The following VPS13B variants were observed in gnomAD, a reference collection of about 807,000 sequenced individuals.
The protein encoded by VPS13B is intermembrane lipid transfer protein VPS13B.
VPS13B carries 285 observed loss-of-function variants against 426.4 expected under a neutral mutation model. The ratio of observed to expected loss-of-function variants is 0.67; its 90% confidence interval spans 0.61 to 0.74. The LOEUF is 0.74. Among genes scored for constraint, VPS13B ranks in the 30% least tolerant of loss-of-function variants. The probability of loss-of-function intolerance (pLI) is 0.00; values close to 1 mark genes in which losing one functional copy is unlikely to be tolerated. For missense variants in VPS13B, 4,537 were observed against 4,782.6 expected (o/e 0.95, Z 1.51); for synonymous variants, 1,676 against 1,676.4 (o/e 1.00, Z 0.01).
intron 22 of VPS13B, among the ~76,000 whole-genome samples, chr8:99,438,617 G>A (rs1817524100): frequency 6.6e-6 from 1 of 152,024 alleles, no homozygotes; most frequent in African/African-American, 2.4e-5. Context: ...ACTTACTCTG[G>A]AAAGGATGAC....
intron 15 of VPS13B, among the ~76,000 whole-genome samples, chr8:99,163,780 C>G: frequency 7.2e-6 from 1 of 139,710 alleles, no homozygotes; most frequent in East Asian, 2.4e-4. Context: ...TCGCGCCTCT[C>G]CCTCCACACC....
chr8:99,621,230 A>G (rs1442620364), intron 33 of VPS13B, among the ~76,000 whole-genome samples: 1 of 152,154 alleles, frequency 6.6e-6, no homozygotes, highest in Non-Finnish European at 1.5e-5. Context: ...TGTCAGCAAA[A>G]TCCCCCAGTC....
chr8:99,843,369 C>T (rs987053821), intron 54 of VPS13B, among the ~76,000 whole-genome samples: 5 of 152,120 alleles, frequency 3.3e-5, no homozygotes, highest in African/African-American at 9.7e-5. Flanking sequence ...AAAAAAAAAT[C>T]CCCTTGGCCA....
chr8:99,696,271 C>A, intron 35 of VPS13B: 1 of 194,162 alleles, frequency 5.2e-6, no homozygotes. Context: ...TTGAGGAAGG[C>A]GGCCAAGTGT....
chr8:99,348,347 C>G (rs2133204297), intron 19 of VPS13B: 1 of 152,170 alleles, frequency 6.6e-6, no homozygotes, highest in South Asian at 2.1e-4. Context: ...ATTTTATGGC[C>G]TATGTTTTTA....
chr8:99,511,456 C>A lies in VPS13B; in HGVS notation c.4577C>A (p.Thr1526Lys). Residue 1526 changes from threonine to lysine, a missense_variant, in exon 29 of 62, where the codon ACA (threonine) becomes AAA (lysine). Physicochemically the swap from Thr to Lys is moderately conservative, Grantham distance 78 (BLOSUM62 -1). Coordinates refer to ENST00000357162, the MANE Select transcript of VPS13B (RefSeq NM_152564.5). ...SRNLPLIYVNTSVIRIFIPKT... is the reference protein window; with the variant it reads ...SRNLPLIYVNKSVIRIFIPKT... ...AATTTACCTTTGATTTATGTCAACACAAGTGTAATCAGAATTTTTATTCCA... is the reference window on the plus strand; with the variant it reads ...AATTTACCTTTGATTTATGTCAACAAAAGTGTAATCAGAATTTTTATTCCA... 6.2e-7 allele frequency: 1 copy of A among 1,613,164 alleles called. No individual in the cohort carries two copies. Among genetic ancestry groups the A allele is most frequent in the Non-Finnish European group, 8.5e-7 (1 of 1,179,880 alleles).
chr8:99,214,399 A>G (rs1815273851), intron 17 of VPS13B, among the ~76,000 whole-genome samples: 2 of 152,206 alleles, frequency 1.3e-5, no homozygotes, highest in Admixed American at 1.3e-4. Context: ...TATTTCAAAC[A>G]TTGTACTTTT....
chr8:99,697,285 G>A (rs184007869), intron 35 of VPS13B: 160 of 576,030 alleles, frequency 2.8e-4, no homozygotes, highest in African/African-American at 2.4e-3. Context: ...CTGCAGAAGC[G>A]CTCGGAGTTG....
chr8:99,656,928 A>ATT (rs1336715207), intron 34 of VPS13B, among the ~76,000 whole-genome samples: 2 of 152,042 alleles, frequency 1.3e-5, no homozygotes, highest in Non-Finnish European at 2.9e-5. Context: ...TGCAACCTGT[A>ATT]TTTTTCTGGA....
In VPS13B at chr8:99,665,590, G is replaced by T. The variant is rs1216631053; in HGVS notation, c.6046+4099G>T. On this transcript the variant is annotated intron_variant, in intron 35 of 61. Transcript: ENST00000357162. ...TTAAATAGGGAATCCTTTCCCCATT[G>T]CTTGTTTTTGTCAGGTTTTTCAAAG... Among the ~76,000 whole-genome samples the T allele has an allele frequency of 1.4e-4, 21 of 152,228 alleles. No individual in the cohort carries two copies. The South Asian group carries it at 3.5e-3, about 26-fold the overall frequency.
intron 33 of VPS13B, among the ~76,000 whole-genome samples, chr8:99,640,245 G>C (rs1405179141): frequency 1.3e-5 from 2 of 151,658 alleles, no homozygotes; most frequent in Non-Finnish European, 2.9e-5. Context: ...CGTACCATTT[G>C]CCTAATAATT....
At chr8:99,324,523 C>T (rs1279483405) in intron 19 of VPS13B, among the ~76,000 whole-genome samples, 1 of 152,102 alleles carries the variant, frequency 6.6e-6, no homozygotes, top group Non-Finnish European at 1.5e-5. Context: ...GTTCTGGCTG[C>T]TTGCTTCTAG....
At chr8:99,069,536 G>GTA (rs925555970) in intron 3 of VPS13B, among the ~76,000 whole-genome samples, 3 of 152,168 alleles carry the variant, frequency 2.0e-5, no homozygotes, top group Non-Finnish European at 2.9e-5. Flanking sequence ...TAGGGTGTGT[G>GTA]TATATATATG....
intron 19 of VPS13B, among the ~76,000 whole-genome samples, chr8:99,285,048 G>T (rs1819361689): frequency 6.6e-6 from 1 of 152,138 alleles, no homozygotes; most frequent in East Asian, 1.9e-4. Flanking sequence ...AGGTTTTTCT[G>T]AGTCATTTCT....
intron 23 of VPS13B, among the ~76,000 whole-genome samples, chr8:99,466,439 A>G (rs535196940): frequency 1.6e-4 from 24 of 152,138 alleles, no homozygotes; most frequent in Non-Finnish European, 2.6e-4. Flanking sequence ...CAAAATACAA[A>G]TGATATAAAA....
chr8:99,763,806 A>T (rs1811066368), intron 39 of VPS13B, among the ~76,000 whole-genome samples: 1 of 152,180 alleles, frequency 6.6e-6, no homozygotes, highest in African/African-American at 2.4e-5. Flanking sequence ...AATGCCATGG[A>T]TATGTCACTT....
chr8:99,090,327 G>A (rs1016796183), intron 3 of VPS13B, among the ~76,000 whole-genome samples: 1 of 151,034 alleles, frequency 6.6e-6, no homozygotes, highest in African/African-American at 2.4e-5. Flanking sequence ...GAGTGCAGTG[G>A]TGCGATCTTG....
At chr8:99,827,145 A>T (rs948627973) in intron 51 of VPS13B, among the ~76,000 whole-genome samples, 1 of 152,100 alleles carries the variant, frequency 6.6e-6, no homozygotes, top group Non-Finnish European at 1.5e-5. Context: ...AGAAGGAATG[A>T]TACCACCTCC....
At chr8:99,841,300 C>T (rs1815669387) in intron 54 of VPS13B, among the ~76,000 whole-genome samples, 1 of 152,142 alleles carries the variant, frequency 6.6e-6, no homozygotes, top group Non-Finnish European at 1.5e-5. Context: ...ATATTACTCC[C>T]AGTGTACAAA....
Sources: gnomAD v4.1 joint callset for allele counts (sites outside exome capture counted in the v4.1 genomes callset) on GRCh38, gnomAD v4.1.1 for gene constraint, MANE v1.5 for transcripts, NCBI Gene and HGNC (gene_info 2026-07-23, HGNC 2026-07-21) for gene names.